LRCH3: variants seen among roughly 807,000 people sequenced by gnomAD.
LRCH3 encodes leucine rich repeats and calponin homology domain containing 3, also known as DISP complex protein LRCH3.
A neutral mutation model predicts 104.5 loss-of-function variants in LRCH3; 68 were observed. The observed-to-expected ratio is 0.65, with a 90% CI of 0.54 to 0.80. The LOEUF (loss-of-function observed/expected upper bound fraction) is 0.80. Ranked by LOEUF, LRCH3 falls within the 30% of genes least tolerant of loss-of-function variation. LRCH3 has a pLI of 0.00. For synonymous variants in LRCH3, 344 were observed against 361.3 expected (o/e 0.95, Z 0.54); for missense variants, 951 against 953.9 (o/e 1.00, Z 0.04).
chr3:197,819,085 C>T (rs546697384), intron 3 of LRCH3, among the ~76,000 whole-genome samples: 103 of 150,854 alleles, frequency 6.8e-4, no homozygotes, highest in Non-Finnish European at 4.4e-4. Flanking sequence ...GAGATCACAC[C>T]ACTGCACTCC....
rs1407143135 is a variant in LRCH3 at position 197,871,389 on chromosome 3, T to G, written c.2057T>G (p.Val686Gly). Residue 686 changes from valine (V) to glycine (G), a missense_variant, in exon 19 of 21, where the codon GTT (valine) becomes GGT (glycine). Coordinates refer to ENST00000425562, the MANE Select transcript of LRCH3 (RefSeq NM_001365715.1). ...CDLGAALTDG[V>G]VLCHLANHVR... ...CTCGGAGCAGCTCTAACTGACGGTG[T>G]TGTTCTTTGCCATTTGGCCAATCAT... 5.6e-6 allele frequency: 9 copies of G among 1,614,084 alleles called. No individual in the cohort carries two copies. In the African/African-American group the frequency reaches 1.2e-4, roughly 22 times the overall value.
chr3:197,846,434 C>T (rs940589887), intron 10 of LRCH3, among the ~76,000 whole-genome samples: 10 of 146,978 alleles, frequency 6.8e-5, no homozygotes, highest in African/African-American at 1.3e-4. Flanking sequence ...GTGGCTCACA[C>T]GCCTGTAATC....
At chr3:197,801,737 A>G (rs1731923570) in intron 1 of LRCH3, among the ~76,000 whole-genome samples, 1 of 152,176 alleles carries the variant, frequency 6.6e-6, no homozygotes, top group Non-Finnish European at 1.5e-5. Flanking sequence ...CTAAATAGCA[A>G]ATTATTACAA....
Position 197,867,850 on chromosome 3 carries a change from G to A in LRCH3, c.1873+1631G>A, listed in dbSNP as rs146101303. On this transcript the variant is annotated intron_variant, in intron 17 of 20. Coordinates refer to ENST00000425562, the MANE Select transcript of LRCH3 (RefSeq NM_001365715.1). ...AGCCTGGGTGACAGAGCGAGACTCC[G>A]TTTCAAAAACAAAAACAAACAAACA... 9.7e-3 allele frequency among the ~76,000 whole-genome samples: 1,474 copies of A among 151,880 alleles called. 16 individuals carry two copies. Among genetic ancestry groups the A allele is most frequent in the Non-Finnish European group, 0.016 (1,062 of 67,954 alleles).
chr3:197,879,434 C>T (rs916069446), intron 20 of LRCH3, among the ~76,000 whole-genome samples: 3 of 151,758 alleles, frequency 2.0e-5, no homozygotes, highest in Non-Finnish European at 2.9e-5. Context: ...ATCACGAGGT[C>T]AGGAGATCGA....
At chr3:197,835,950 G>A (rs1258429604) in intron 9 of LRCH3, 128 bp downstream of exon 9, 1 of 1,024,868 alleles carries the variant, frequency 9.8e-7, no homozygotes, top group East Asian at 2.6e-5. Context: ...GTTCACTTCT[G>A]ATTTCAGTCC....
At chr3:197,850,536 A>G in intron 12 of LRCH3, 1 of 1,590,650 alleles carries the variant, frequency 6.3e-7, no homozygotes. Flanking sequence ...GGGAGAGCTC[A>G]TGTATGGGTT....
At chr3:197,800,964 G>A (rs901779621) in intron 1 of LRCH3, among the ~76,000 whole-genome samples, 9 of 151,852 alleles carry the variant, frequency 5.9e-5, no homozygotes, top group Admixed American at 3.3e-4. Context: ...GTGTGGTGGC[G>A]GGCGCCTGTA....
chr3:197,866,737 T>C (rs1351687086), intron 17 of LRCH3, among the ~76,000 whole-genome samples: 1 of 152,134 alleles, frequency 6.6e-6, no homozygotes, highest in African/African-American at 2.4e-5. Context: ...GAGGATTGCT[T>C]GAGCCCAGGA....
chr3:197,836,769 C>T (rs914057799), intron 9 of LRCH3, among the ~76,000 whole-genome samples: 1 of 152,190 alleles, frequency 6.6e-6, no homozygotes, highest in African/African-American at 2.4e-5. Context: ...CCTCTGCCTC[C>T]CAGGTTCAAG....
chr3:197,880,907 C>T (rs1580927869), intron 20 of LRCH3: 5 of 1,424,758 alleles, frequency 3.5e-6, no homozygotes, highest in African/African-American at 2.9e-5. Context: ...TTTACGATTG[C>T]TAACAAAGAG....
At chr3:197,850,274 G>T (rs1739386442) in intron 12 of LRCH3, 1 of 598,444 alleles carries the variant, frequency 1.7e-6, no homozygotes, top group Non-Finnish European at 2.9e-6. Context: ...TGCTTATTAT[G>T]TAGTAGGCAC....
intron 8 of LRCH3, among the ~76,000 whole-genome samples, chr3:197,834,418 T>C (rs372209546): frequency 6.6e-6 from 1 of 152,232 alleles, no homozygotes; most frequent in Non-Finnish European, 1.5e-5. Flanking sequence ...GTTTTCCAAA[T>C]AGGACAATCT....
At chr3:197,877,517 G>A (rs1713027579) in intron 20 of LRCH3, among the ~76,000 whole-genome samples, 4 of 142,746 alleles carry the variant, frequency 2.8e-5, no homozygotes, top group East Asian at 4.3e-4. Flanking sequence ...CCAACTCACC[G>A]CACCCATGGC....
intron 1 of LRCH3, among the ~76,000 whole-genome samples, chr3:197,800,349 A>T (rs1279900473): frequency 6.6e-6 from 1 of 152,248 alleles, no homozygotes; most frequent in Non-Finnish European, 1.5e-5. Context: ...AGAAAAAGAC[A>T]ACCCAGGAGA....
chr3:197,850,827 T>A (rs556030719), intron 12 of LRCH3: 44 of 1,102,402 alleles, frequency 4.0e-5, no homozygotes, highest in South Asian at 3.6e-4. Context: ...CTTCGTGGCT[T>A]TTCGTATATG....
intron 4 of LRCH3, among the ~76,000 whole-genome samples, chr3:197,824,959 TCTC>T (rs1273845725): frequency 2.6e-5 from 4 of 152,206 alleles, no homozygotes; most frequent in East Asian, 3.8e-4. Flanking sequence ...CTGGAGGACA[TCTC>T]CTAGTAGCTT....
chr3:197,807,415 G>T (rs1022542311), intron 1 of LRCH3, among the ~76,000 whole-genome samples: 1 of 151,858 alleles, frequency 6.6e-6, no homozygotes, highest in Non-Finnish European at 1.5e-5. Context: ...TAGAGACGGG[G>T]TTTCACCGGG....
In LRCH3 at chr3:197,887,854, C is replaced by G. The variant is rs1714359014; in HGVS notation, c.*4188C>G. 6.5e-6 allele frequency: 1 copy of G among 154,586 alleles called. No homozygotes were observed. Among genetic ancestry groups the G allele is most frequent in the Non-Finnish European group, 1.4e-5 (1 of 69,288 alleles). 9.6% of individuals were successfully genotyped at this position (154,586 alleles called of 1,614,324 possible). A position where few individuals can be genotyped will look rare whatever the true frequency, so the allele number is the denominator to read the frequency against. ...GGGTTGAGAGCCACCCCCAGCAGAG[C>G]CCTTGCCACGTACAGAGATTTTCTG... On this transcript the variant is annotated 3_prime_UTR_variant, in exon 21 of 21. Coordinates refer to ENST00000425562, the MANE Select transcript of LRCH3 (RefSeq NM_001365715.1).
Sources: allele counts gnomAD v4.1 joint callset (sites outside exome capture counted in the v4.1 genomes callset), GRCh38; gene constraint gnomAD v4.1.1; transcripts MANE v1.5; gene names NCBI Gene and HGNC (gene_info 2026-07-23, HGNC 2026-07-21).